The following EEFSEC variants were observed in gnomAD, a reference collection of about 807,000 sequenced individuals.
EEFSEC encodes selenocysteine-specific elongation factor.
Under a neutral mutation model 42.1 loss-of-function variants are expected in EEFSEC, and 43 were observed. The ratio of observed to expected loss-of-function variants is 1.02; its 90% confidence interval spans 0.80 to 1.32. The LOEUF is 1.32. EEFSEC is among the 40% of genes most tolerant of loss of function. EEFSEC has a pLI of 0.00. For missense variants in EEFSEC, 745 were observed against 803.6 expected (o/e 0.93, Z 0.88); for synonymous variants, 354 against 339.1 (o/e 1.04, Z -0.48).
chr3:128,338,922 G>A (rs191031386), intron 4 of EEFSEC, among the ~76,000 whole-genome samples: 4 of 152,166 alleles, frequency 2.6e-5, no homozygotes, highest in Admixed American at 6.5e-5. Context: ...TGAGGTAGAC[G>A]ATGGGAGCCC....
chr3:128,310,992 G>A (rs567947049), intron 4 of EEFSEC, among the ~76,000 whole-genome samples: 19 of 152,150 alleles, frequency 1.2e-4, no homozygotes, highest in Non-Finnish European at 2.5e-4. Context: ...AAAACTGTTT[G>A]GTTTTACTTA....
At chr3:128,309,647 G>A (rs748756055) in intron 4 of EEFSEC, among the ~76,000 whole-genome samples, 18 of 152,220 alleles carry the variant, frequency 1.2e-4, no homozygotes, top group Non-Finnish European at 8.8e-5. Context: ...CTGGCAGAGG[G>A]TGAAAGCAAG....
chr3:128,290,141 G>A (rs909179380), intron 4 of EEFSEC, among the ~76,000 whole-genome samples: 1 of 152,070 alleles, frequency 6.6e-6, no homozygotes, highest in African/African-American at 2.4e-5. Flanking sequence ...CTCTCTAGGA[G>A]ATCTTTGCCT....
At chr3:128,185,899 A>T (rs2065459948) in intron 1 of EEFSEC, among the ~76,000 whole-genome samples, 1 of 152,182 alleles carries the variant, frequency 6.6e-6, no homozygotes, top group Admixed American at 6.5e-5. Flanking sequence ...TGCTACCATG[A>T]GGAGTCATGT....
At chr3:128,339,207 T>C (rs2067223355) in intron 4 of EEFSEC, among the ~76,000 whole-genome samples, 1 of 152,230 alleles carries the variant, frequency 6.6e-6, no homozygotes, top group East Asian at 1.9e-4. Flanking sequence ...TCTCACTTTC[T>C]CTGCCCCCTG....
intron 1 of EEFSEC, among the ~76,000 whole-genome samples, chr3:128,212,198 G>A (rs1233894215): frequency 1.3e-5 from 2 of 152,196 alleles, no homozygotes; most frequent in African/African-American, 4.8e-5. Context: ...CAGAATGTTG[G>A]TGTGAAATGG....
intron 6 of EEFSEC, among the ~76,000 whole-genome samples, chr3:128,384,912 G>A (rs551871670): frequency 2.6e-5 from 4 of 152,298 alleles, no homozygotes; most frequent in African/African-American, 9.6e-5. Flanking sequence ...AAGCAGCAGT[G>A]GTGGGACAGG....
At chr3:128,293,434 G>T (rs2811520) in intron 4 of EEFSEC, among the ~76,000 whole-genome samples, 127,379 of 151,662 alleles carry the variant, frequency 0.84, 53,961 homozygotes, top group East Asian at 0.99. Context: ...GGCCAAGGCG[G>T]GTAGATCACA....
intron 1 of EEFSEC, among the ~76,000 whole-genome samples, chr3:128,201,251 A>G (rs2065640567): frequency 6.6e-6 from 1 of 152,148 alleles, no homozygotes; most frequent in Admixed American, 6.5e-5. Context: ...ACTTTGGGCA[A>G]CACCATGCTC....
chr3:128,416,972 G>A, the EEFSEC span, among the ~76,000 whole-genome samples: 1 of 152,100 alleles, frequency 6.6e-6, no homozygotes, highest in African/African-American at 2.4e-5. Context: ...GAGAGCGATC[G>A]TGGTGGGTGC....
intron 1 of EEFSEC, among the ~76,000 whole-genome samples, chr3:128,190,709 A>G (rs1459020559): frequency 6.6e-6 from 1 of 152,164 alleles, no homozygotes; most frequent in Non-Finnish European, 1.5e-5. Context: ...TCAACCACTC[A>G]CTCACTGACT....
rs2065710792 is a variant in EEFSEC at position 128,207,557 on chromosome 3, C to T, written c.317-39279C>T. Among the ~76,000 whole-genome samples, 3 of 128,258 alleles carry T rather than the reference C, an allele frequency of 2.3e-5. No homozygotes were observed. In the South Asian group the frequency reaches 8.3e-4, roughly 36 times the overall value. The allele number at this position is 128,258 out of a possible 152,430, so 84.1% of individuals were successfully genotyped here. A position where few individuals can be genotyped will look rare whatever the true frequency, so the allele number is the denominator to read the frequency against. ...TTAAGCCTTTCCCCTCTCCCACAGA[C>T]ACATTGCATACACACACACACACAC... On this transcript the variant is annotated intron_variant, in intron 1 of 6. Coordinates refer to ENST00000254730, the MANE Select transcript of EEFSEC (RefSeq NM_021937.5).
At chr3:128,182,879 G>A (rs2065423745) in intron 1 of EEFSEC, among the ~76,000 whole-genome samples, 1 of 100,298 alleles carries the variant, frequency 1.0e-5, no homozygotes, top group African/African-American at 4.2e-5. Context: ...CACAGAGATC[G>A]GGGCGGGGGG....
At chr3:128,377,908 T>A (rs1246570764) in intron 6 of EEFSEC, among the ~76,000 whole-genome samples, 1 of 152,258 alleles carries the variant, frequency 6.6e-6, no homozygotes, top group East Asian at 1.9e-4. Context: ...GCTATTTTCC[T>A]ACATGGCAAA....
At chr3:128,338,276 A>G (rs1328538272) in intron 4 of EEFSEC, among the ~76,000 whole-genome samples, 1 of 152,228 alleles carries the variant, frequency 6.6e-6, no homozygotes, top group Non-Finnish European at 1.5e-5. Context: ...GCCAAATTCA[A>G]GGCAGCGGCA....
chr3:128,227,813 G>A (rs1272610631), intron 1 of EEFSEC, among the ~76,000 whole-genome samples: 1 of 152,160 alleles, frequency 6.6e-6, no homozygotes, highest in Non-Finnish European at 1.5e-5. Context: ...ATATCTGAGG[G>A]CCCATCCTCC....
chr3:128,394,018 G>T (rs1487012528), intron 6 of EEFSEC, among the ~76,000 whole-genome samples: 1 of 152,068 alleles, frequency 6.6e-6, no homozygotes, highest in African/African-American at 2.4e-5. Flanking sequence ...GGTGGCGGGG[G>T]CGGGGGGTGC....
chr3:128,350,750 C>T (rs1299983756), intron 5 of EEFSEC, among the ~76,000 whole-genome samples: 1 of 152,122 alleles, frequency 6.6e-6, no homozygotes, highest in Non-Finnish European at 1.5e-5. Flanking sequence ...GGCACAAGCT[C>T]GATGTGGCCG....
chr3:128,198,511 T>C (rs962150176), intron 1 of EEFSEC, among the ~76,000 whole-genome samples: 1 of 152,182 alleles, frequency 6.6e-6, no homozygotes, highest in African/African-American at 2.4e-5. Context: ...CGGCAGCACA[T>C]GTGGTTCTCA....
Sources: gnomAD v4.1 joint callset for allele counts (sites outside exome capture counted in the v4.1 genomes callset) on GRCh38, gnomAD v4.1.1 for gene constraint, MANE v1.5 for transcripts, NCBI Gene and HGNC (gene_info 2026-07-23, HGNC 2026-07-21) for gene names.